ZNF638: variants seen among roughly 807,000 people sequenced by gnomAD.
ZNF638 encodes zinc finger protein 638.
Under a neutral mutation model 195.6 loss-of-function variants are expected in ZNF638, and 46 were observed. The ratio of observed to expected loss-of-function variants is 0.24; its 90% confidence interval spans 0.19 to 0.30. The LOEUF is 0.30. ZNF638 is among the 10% of genes least tolerant of loss of function. The pLI is 1.00. For missense variants in ZNF638, 2,440 were observed against 2,325.3 expected, an observed-to-expected ratio of 1.05 and a Z score of -1.01; for synonymous variants, 845 against 772.0, an observed-to-expected ratio of 1.09 and a Z score of -1.57.
chr2:71,420,930 G>C (rs2080418999), intron 21 of ZNF638, among the ~76,000 whole-genome samples: 1 of 152,178 alleles, frequency 6.6e-6, no homozygotes, highest in Admixed American at 6.5e-5. Flanking sequence ...CTTCTGAGTA[G>C]ACCTGTGTTC....
chr2:71,423,178 G>C lies in ZNF638; in HGVS notation c.3664G>C (p.Ala1222Pro), dbSNP rs750846510. 6.2e-7 allele frequency: 1 copy of C among 1,614,126 alleles called. No individual in the cohort carries two copies. Among genetic ancestry groups the C allele is most frequent in the Non-Finnish European group, 8.5e-7 (1 of 1,180,008 alleles). Residue 1222 changes from alanine to proline, a missense_variant, in exon 22 of 28, where the codon GCA becomes CCA. This residue lies in a region of ZNF638 where 1,883 missense variants were observed against 1,739.1 expected (regional missense o/e 1.08). Coordinates refer to ENST00000264447, the MANE Select transcript of ZNF638 (RefSeq NM_014497.5). Reference protein sequence around the residue: ...KGAEIINPKTALLPSDSVFAE... With the variant: ...KGAEIINPKTPLLPSDSVFAE... ...GGCAGAAATTATTAACCCTAAAACAGCATTGTTACCATCTGACAGTGTGTT... is the reference window on the plus strand; with the variant it reads ...GGCAGAAATTATTAACCCTAAAACACCATTGTTACCATCTGACAGTGTGTT...
chr2:71,431,481 C>A, intron 26 of ZNF638, 53 bp downstream of exon 26: 3 of 1,530,948 alleles, frequency 2.0e-6, no homozygotes, highest in Non-Finnish European at 2.7e-6. Context: ...AAAAGTCGGC[C>A]GGGCGCGGTG....
intron 2 of ZNF638, 28 bp downstream of exon 2, chr2:71,350,299 T>C (rs1227780523): frequency 6.3e-7 from 1 of 1,579,412 alleles, no homozygotes; most frequent in Non-Finnish European, 8.6e-7. Context: ...AAGATCACTG[T>C]ATAATGATGC....
Position 71,426,994 on chromosome 2 carries a change from G to A in ZNF638, c.5125G>A (p.Gly1709Arg). Reference sequence around the variant, plus strand: ...AACTTTTGCCACTTTAAATACTAAAGGAAATGAAGGAGATACTGTAAGGGA... The same window carrying A: ...AACTTTTGCCACTTTAAATACTAAAAGAAATGAAGGAGATACTGTAAGGGA... The part of the protein sequence containing the change: ...DITFATLNTK[G>R]NEGDTVRDSI... Residue 1709 changes from glycine (G) to arginine (R), a missense_variant, in exon 24 of 28, where the codon GGA becomes AGA. By Grantham distance (125) the Gly-to-Arg change is moderately radical. Transcript: ENST00000264447. 1 of 1,612,102 alleles carries A rather than the reference G, an allele frequency of 6.2e-7. No homozygotes were observed. Among genetic ancestry groups the A allele is most frequent in the Non-Finnish European group, 8.5e-7 (1 of 1,179,238 alleles).
At chr2:71,363,102 C>G in intron 3 of ZNF638, 51 bp from the exon 4 acceptor site, 1 of 1,314,332 alleles carries the variant, frequency 7.6e-7, no homozygotes, top group African/African-American at 1.5e-5. Context: ...ATTAATTGAG[C>G]CTTACAGTCT....
chr2:71,367,204 G>A (rs1040178745), intron 6 of ZNF638, among the ~76,000 whole-genome samples: 1 of 150,310 alleles, frequency 6.7e-6, no homozygotes, highest in Non-Finnish European at 1.5e-5. Context: ...TTTTCATTTT[G>A]TTTCAAGACT....
At chr2:71,366,448 A>G (rs2079201568) in intron 6 of ZNF638, among the ~76,000 whole-genome samples, 1 of 152,174 alleles carries the variant, frequency 6.6e-6, no homozygotes, top group Non-Finnish European at 1.5e-5. Context: ...ACATGATTTT[A>G]GTATGGAATA....
chr2:71,428,510 G>GTT (rs765603445), intron 24 of ZNF638, 37 bp from the exon 25 acceptor site: 1 of 1,553,556 alleles, frequency 6.4e-7, no homozygotes, highest in South Asian at 1.1e-5. Context: ...TTTAAATACT[G>GTT]TTACTAGAGC....
chr2:71,365,693 C>T lies in ZNF638; in HGVS notation c.1982C>T (p.Ser661Phe), dbSNP rs1378698668. Residue 661 changes from serine (S) to phenylalanine (F), a missense_variant, in exon 6 of 28, where the codon TCT becomes TTT. By Grantham distance (155) the Ser-to-Phe change is radical. Around this residue, in one of 5 missense-constraint regions of ZNF638, gnomAD observed 1,883 missense variants for 1,739.1 expected, o/e 1.08. Coordinates refer to ENST00000264447, the MANE Select transcript of ZNF638 (RefSeq NM_014497.5). ...AAACAGGTGTCTGATAAAGCTGTTT[C>T]TCTCCAGCGAAAGGTAATTCTTTAA... ...ECKQVSDKAV[S>F]LQRKLRKEQS... is the part of the protein sequence containing the mutation. 1.2e-6 allele frequency: 2 copies of T among 1,609,846 alleles called. No individual in the cohort carries two copies. The highest frequency in any genetic ancestry group is 1.3e-5 in the African/African-American group (1 of 74,610).
chr2:71,340,134 T>G (rs2078739477), intron 1 of ZNF638, among the ~76,000 whole-genome samples: 1 of 152,242 alleles, frequency 6.6e-6, no homozygotes, highest in Non-Finnish European at 1.5e-5. Flanking sequence ...TCATGGTGTT[T>G]ATCAATCCTT....
rs972737930 is a variant in ZNF638 at position 71,388,443 on chromosome 2, A to T, written c.2378-7698A>T. On this transcript the variant is annotated intron_variant, in intron 10 of 27. Transcript: ENST00000264447. ...CTCCCTACAGGCGGGGGCAACAACT[A>T]CCCACAGATTGTGTTGGCTCCAGGC... The T allele has an allele frequency of 1.3e-5, 9 of 685,790 alleles. No individual in the cohort carries two copies. In the Admixed American group the frequency reaches 1.6e-4, roughly 12 times the overall value. The allele number at this position is 685,790 out of a possible 1,614,324, so 42.5% of individuals were successfully genotyped here. A position where few individuals can be genotyped will look rare whatever the true frequency, so the allele number is the denominator to read the frequency against.
intron 2 of ZNF638, among the ~76,000 whole-genome samples, chr2:71,352,429 G>C (rs1039647347): frequency 1.3e-5 from 2 of 150,466 alleles, no homozygotes; most frequent in Non-Finnish European, 3.0e-5. Context: ...AGTGAGCCGA[G>C]ATCGCGCCGC....
rs1573135636 is a variant in ZNF638 at position 71,407,973 on chromosome 2, C to T, written c.3136-149C>T. The T allele has an allele frequency of 1.3e-5, 8 of 631,638 alleles. No individual in the cohort carries two copies. The East Asian group carries it at 2.6e-4, about 20-fold the overall frequency. The allele number at this position is 631,638 out of a possible 1,614,324, so 39.1% of individuals were successfully genotyped here. A position where few individuals can be genotyped will look rare whatever the true frequency, so the allele number is the denominator to read the frequency against. On this transcript the variant is annotated intron_variant, in intron 19 of 27. Transcript: ENST00000264447. ...CCTTTGTCTGTTGTGAATAATGCTT[C>T]TGTGAACATGGGTGTACAAATACAT...
intron 20 of ZNF638, among the ~76,000 whole-genome samples, chr2:71,411,352 TTC>T (rs1398830269): frequency 1.3e-5 from 2 of 151,606 alleles, no homozygotes; most frequent in Non-Finnish European, 2.9e-5. Context: ...ATTTTTAATA[TTC>T]TGTTTTTCTG....
intron 4 of ZNF638, 105 bp from the exon 5 acceptor site, chr2:71,363,849 G>T: frequency 7.5e-7 from 1 of 1,326,340 alleles, no homozygotes; most frequent in Non-Finnish European, 1.0e-6. Context: ...ATGAGAGTTT[G>T]GTATTGTTAA....
At position 71,366,134 on chromosome 2, in the gene ZNF638, G is replaced by T. The variant is rs190358053; in HGVS notation, c.1995+428G>T. On this transcript the variant is annotated intron_variant, in intron 6 of 27. Coordinates refer to ENST00000264447, the MANE Select transcript of ZNF638 (RefSeq NM_014497.5). ...GGAGGCCAAGCGGGGTGGATCGCTCGAGCTTAAGAATTTGAGGCCAGCCAG... is the reference window on the plus strand; with the variant it reads ...GGAGGCCAAGCGGGGTGGATCGCTCTAGCTTAAGAATTTGAGGCCAGCCAG... Among the ~76,000 whole-genome samples the T allele has an allele frequency of 2.4e-3, 365 of 152,202 alleles. 1 individual carries two copies. Among genetic ancestry groups the T allele is most frequent in the African/African-American group, 8.5e-3 (353 of 41,524 alleles).
chr2:71,371,679 ATT>A (rs34316027), intron 8 of ZNF638, among the ~76,000 whole-genome samples: 6 of 133,152 alleles, frequency 4.5e-5, no homozygotes, highest in African/African-American at 1.7e-4. Flanking sequence ...TCTTTTGCCC[ATT>A]TTTTTTTTAT....
chr2:71,394,842 C>G (rs1482436691), intron 10 of ZNF638, among the ~76,000 whole-genome samples: 1 of 145,470 alleles, frequency 6.9e-6, no homozygotes, highest in Non-Finnish European at 1.5e-5. Flanking sequence ...TCTCTTACAG[C>G]AGGGTACAAA....
At chr2:71,400,392 A>G (rs1293399363) in intron 14 of ZNF638, 86 bp from the exon 15 acceptor site, 7 of 1,322,216 alleles carry the variant, frequency 5.3e-6, no homozygotes, top group Non-Finnish European at 7.4e-6. Context: ...ACACGTTTTC[A>G]TGTAGCTACT....
Sources: allele counts gnomAD v4.1 joint callset (sites outside exome capture counted in the v4.1 genomes callset), GRCh38; gene constraint gnomAD v4.1.1; regional missense constraint gnomAD v4.1.1; transcripts MANE v1.5; gene names NCBI Gene and HGNC (gene_info 2026-07-23, HGNC 2026-07-21).